The following CELF2 variants were observed in gnomAD, a reference collection of about 807,000 sequenced individuals.
CELF2 encodes CUG triplet repeat RNA-binding protein 2.
A neutral mutation model predicts 62.6 loss-of-function variants in CELF2; 8 were observed. The ratio of observed to expected loss-of-function variants is 0.13; its 90% confidence interval spans 0.07 to 0.23. The LOEUF (loss-of-function observed/expected upper bound fraction) is 0.23, where lower values mean the gene tolerates loss of function less well. Among genes scored for constraint, CELF2 ranks in the 10% least tolerant of loss-of-function variants. The pLI, the probability that CELF2 is intolerant of heterozygous loss-of-function variation, is 1.00. For missense variants in CELF2, 333 were observed against 671.0 expected (o/e 0.50, Z 5.56); for synonymous variants, 258 against 250.0 (o/e 1.03, Z -0.30).
chr10:10,469,661 T>A, the CELF2 span, among the ~76,000 whole-genome samples: 1 of 151,902 alleles, frequency 6.6e-6, no homozygotes, highest in African/African-American at 2.4e-5. Flanking sequence ...TGTCATAAAA[T>A]TGGTTGGGAA....
chr10:11,217,341 A>G lies in CELF2; in HGVS notation c.272-84A>G. ...TTTTAAATTGTGCGTCCTTTTAAGT[A>G]GATTGTTTGTTCGCCACAGTCTCCA... On this transcript the variant is annotated intron_variant, in intron 2 of 12. Coordinates refer to ENST00000633077, the MANE Select transcript of CELF2 (RefSeq NM_001326342.2). The surrounding 1 kb of genome is among the most constrained non-coding windows in gnomAD (Gnocchi z 5.6). 1 of 869,354 alleles carries G rather than the reference A, an allele frequency of 1.2e-6. No homozygotes were observed. Among genetic ancestry groups the G allele is most frequent in the Non-Finnish European group, 1.9e-6 (1 of 539,664 alleles). 53.9% of individuals were successfully genotyped at this position (869,354 alleles called of 1,614,324 possible).
the CELF2 span, among the ~76,000 whole-genome samples, chr10:10,770,358 C>T: frequency 6.6e-6 from 1 of 151,838 alleles, no homozygotes; most frequent in Non-Finnish European, 1.5e-5. Context: ...AATCAAACAG[C>T]CAGCAAGCAG....
chr10:10,878,323 A>T (rs2061239797), intron 1 of CELF2, among the ~76,000 whole-genome samples: 1 of 152,238 alleles, frequency 6.6e-6, no homozygotes, highest in African/African-American at 2.4e-5. Flanking sequence ...TCTGGTGAGC[A>T]ACCTCAGATG....
the CELF2 span, among the ~76,000 whole-genome samples, chr10:10,720,887 A>G: frequency 6.6e-6 from 1 of 152,246 alleles, no homozygotes. Flanking sequence ...AAGTAAGCAG[A>G]AATAAAAATC....
chr10:11,010,037 CT>C lies in CELF2; in HGVS notation c.53+4599del, dbSNP rs2056155911. 1 of 152,244 alleles carries C rather than the reference CT, an allele frequency of 6.6e-6. No homozygotes were observed. 9.4% of individuals were successfully genotyped at this position (152,244 alleles called of 1,614,324 possible). A position where few individuals can be genotyped will look rare whatever the true frequency, so the allele number is the denominator to read the frequency against. On this transcript the variant is annotated intron_variant, in intron 1 of 12. Transcript: ENST00000416382. The surrounding 1 kb of genome is among the most constrained non-coding windows in gnomAD (Gnocchi z 4.1). ...AATTGATGAGTTGCTTTTCATCCTT[CT>C]TGTAAGGCTCTCCATCTCAGTCCCA...
Position 11,046,670 on chromosome 10 carries a change from C to A in CELF2, c.74+28507C>A, listed in dbSNP as rs373163536. Among the ~76,000 whole-genome samples the A allele has an allele frequency of 2.6e-5, 4 of 152,114 alleles. No homozygotes were observed. Among genetic ancestry groups the A allele is most frequent in the African/African-American group, 7.2e-5 (3 of 41,402 alleles). On this transcript the variant is annotated intron_variant, in intron 1 of 12. Coordinates refer to ENST00000633077, the MANE Select transcript of CELF2 (RefSeq NM_001326342.2). The surrounding 1 kb of genome is among the most constrained non-coding windows in gnomAD (Gnocchi z 4.6). ...ACTCATTTCAGACGGACGCTAATAA[C>A]AGCCCGCAGAACCCTCAGGACCCAT...
the CELF2 span, among the ~76,000 whole-genome samples, chr10:10,471,366 A>G: frequency 1.5e-4 from 22 of 151,502 alleles, no homozygotes; most frequent in Non-Finnish European, 2.5e-4. Context: ...ATATTTGTCT[A>G]TTTCTCCCCC....
At chr10:10,701,037 A>G in the CELF2 span, among the ~76,000 whole-genome samples, 1 of 152,222 alleles carries the variant, frequency 6.6e-6, no homozygotes, top group African/African-American at 2.4e-5. Context: ...CACTATAATA[A>G]GTACGAACAA....
rs2075706546 is a variant in CELF2, at chr10:11,246,689, C to T, written c.355-2464C>T. Among the ~76,000 whole-genome samples, 2 of 152,232 alleles carry T rather than the reference C, an allele frequency of 1.3e-5. No homozygotes were observed. The highest frequency in any genetic ancestry group is 4.8e-5 in the African/African-American group (2 of 41,454). Reference sequence around the variant, plus strand: ...CCTGCAGCTCCTCCTGCCCCTCACTCTGCTCTCCTTGGACTCCTCTTTCCT... The same window carrying T: ...CCTGCAGCTCCTCCTGCCCCTCACTTTGCTCTCCTTGGACTCCTCTTTCCT... On this transcript the variant is annotated intron_variant, in intron 3 of 12. Transcript: ENST00000633077. This position sits in a 1 kb window ranked among gnomAD's most constrained non-coding sequence, Gnocchi z 4.6.
At chr10:10,582,788 G>A in the CELF2 span, among the ~76,000 whole-genome samples, 2 of 152,156 alleles carry the variant, frequency 1.3e-5, no homozygotes, top group Non-Finnish European at 2.9e-5. Context: ...GGAGCTCCCA[G>A]GTCATGACCT....
the CELF2 span, among the ~76,000 whole-genome samples, chr10:10,701,851 A>G: frequency 1.5e-4 from 23 of 152,220 alleles, no homozygotes; most frequent in East Asian, 4.2e-3. Flanking sequence ...CCCCGTAGTT[A>G]GACGAATCCC....
At position 10,850,232 on chromosome 10, in the gene CELF2, A is replaced by G. The variant is rs111744248; in HGVS notation, c.53+51415A>G. Among the ~76,000 whole-genome samples, 21 of 152,344 alleles carry G rather than the reference A, an allele frequency of 1.4e-4. 1 individual carries two copies. The highest frequency in any genetic ancestry group is 4.8e-4 in the African/African-American group (20 of 41,580). The stretch of plus-strand genomic sequence containing the variant: ...TATCTGGTAGTTTAATAATCTCCAG[A>G]AAGGCTAGACAGCAACACTCTGAAA... On this transcript the variant is annotated intron_variant, in intron 1 of 13. Coordinates refer to the CELF2 transcript ENST00000636488.
chr10:11,019,903 A>G (rs752442719), intron 1 of CELF2, among the ~76,000 whole-genome samples: 56 of 152,266 alleles, frequency 3.7e-4, no homozygotes, highest in Middle Eastern at 3.4e-3. Flanking sequence ...GTCCAGGCTA[A>G]ACTGAAGAAT....
chr10:11,292,994 A>G (rs2139831309), intron 9 of CELF2, among the ~76,000 whole-genome samples: 1 of 152,224 alleles, frequency 6.6e-6, no homozygotes, highest in East Asian at 1.9e-4. Flanking sequence ...TGTCTTACAC[A>G]CTGTTGGCAA....
At chr10:10,632,074 A>G in the CELF2 span, among the ~76,000 whole-genome samples, 2 of 152,162 alleles carry the variant, frequency 1.3e-5, no homozygotes, top group African/African-American at 2.4e-5. Flanking sequence ...TGCTCCCTCA[A>G]AGTGACCCAT....
chr10:10,653,884 A>G, the CELF2 span, among the ~76,000 whole-genome samples: 1 of 151,890 alleles, frequency 6.6e-6, no homozygotes, highest in Non-Finnish European at 1.5e-5. Context: ...GAATTGAAGG[A>G]AATAGAGACA....
chr10:10,512,184 A>G, the CELF2 span, among the ~76,000 whole-genome samples: 1 of 152,276 alleles, frequency 6.6e-6, no homozygotes, highest in South Asian at 2.1e-4. Context: ...TGGATGAAAT[A>G]GCATGCCTCC....
chr10:10,478,794 G>A, the CELF2 span, among the ~76,000 whole-genome samples: 1 of 152,174 alleles, frequency 6.6e-6, no homozygotes, highest in Non-Finnish European at 1.5e-5. Context: ...TTCTGTCTGG[G>A]ACAGTTTCAG....
chr10:10,747,673 C>T, the CELF2 span, among the ~76,000 whole-genome samples: 17 of 152,042 alleles, frequency 1.1e-4, no homozygotes, highest in African/African-American at 4.1e-4. Context: ...CCAGGGAGCA[C>T]CTCATAAGCC....
Sources: gnomAD v4.1 joint callset for allele counts (sites outside exome capture counted in the v4.1 genomes callset) on GRCh38, gnomAD v4.1.1 for gene constraint, Gnocchi (gnomAD v3.1) non-coding constraint, MANE v1.5 for transcripts, NCBI Gene and HGNC (gene_info 2026-07-23, HGNC 2026-07-21) for gene names.